Variants in CSMD1 observed in about 807,000 individuals in gnomAD.
CSMD1 encodes CUB and sushi domain-containing protein 1.
CSMD1 carries 213 observed loss-of-function variants against 417.5 expected under a neutral mutation model. The observed-to-expected ratio is 0.51, with a 90% CI of 0.46 to 0.57. The LOEUF (loss-of-function observed/expected upper bound fraction) is 0.57. Among genes scored for constraint, CSMD1 ranks in the 20% least tolerant of loss-of-function variants. CSMD1 has a pLI of 0.00. For synonymous variants in CSMD1, 2,862 were observed against 1,736.8 expected, an observed-to-expected ratio of 1.65 and a Z score of -16.11; for missense variants, 6,923 against 4,529.7, an observed-to-expected ratio of 1.53 and a Z score of -15.17.
chr8:3,911,071 A>T (rs1301511509), intron 5 of CSMD1, among the ~76,000 whole-genome samples: 1 of 152,278 alleles, frequency 6.6e-6, no homozygotes, highest in East Asian at 1.9e-4. Context: ...ATTGGAGATG[A>T]CCAGAAAATT....
intron 1 of CSMD1, among the ~76,000 whole-genome samples, chr8:4,823,181 G>C (rs1375255473): frequency 6.6e-6 from 1 of 152,008 alleles, no homozygotes; most frequent in Non-Finnish European, 1.5e-5. Flanking sequence ...TGTCAGATCT[G>C]TTTAAGCCTA....
At chr8:4,115,296 G>T (rs999659185) in intron 3 of CSMD1, among the ~76,000 whole-genome samples, 2 of 152,014 alleles carry the variant, frequency 1.3e-5, no homozygotes, top group African/African-American at 4.8e-5. Context: ...TAGCATTTTT[G>T]GCAACAAAAT....
At chr8:3,890,737 T>A (rs1468219520) in intron 5 of CSMD1, among the ~76,000 whole-genome samples, 1 of 152,220 alleles carries the variant, frequency 6.6e-6, no homozygotes, top group Non-Finnish European at 1.5e-5. Flanking sequence ...TGATGCAAGT[T>A]AGCATGTGGC....
intron 1 of CSMD1, among the ~76,000 whole-genome samples, chr8:4,991,783 C>A (rs543301760): frequency 1.3e-5 from 2 of 152,358 alleles, no homozygotes; most frequent in South Asian, 2.1e-4. Context: ...AACGGCGACT[C>A]CGGCGCTGGC....
intron 5 of CSMD1, among the ~76,000 whole-genome samples, chr8:3,771,770 T>C (rs1433834651): frequency 6.6e-6 from 1 of 152,120 alleles, no homozygotes; most frequent in African/African-American, 2.4e-5. Context: ...AGCATCATGC[T>C]CTCTCCATTG....
intron 2 of CSMD1, among the ~76,000 whole-genome samples, chr8:4,602,367 C>A (rs1800635885): frequency 6.6e-6 from 1 of 152,144 alleles, no homozygotes; most frequent in African/African-American, 2.4e-5. Flanking sequence ...GAAGCTTCTA[C>A]TGCCAGGAGA....
chr8:4,320,664 G>A (rs1827666), intron 3 of CSMD1, among the ~76,000 whole-genome samples: 123,178 of 152,042 alleles, frequency 0.81, 50,066 homozygotes, highest in East Asian at 0.99. Flanking sequence ...CAGCTTCATC[G>A]ATGTCCTGCA....
intron 3 of CSMD1, among the ~76,000 whole-genome samples, chr8:4,203,301 A>C (rs559784250): frequency 5.9e-5 from 9 of 152,260 alleles, no homozygotes; most frequent in African/African-American, 2.2e-4. Context: ...CAGGCCCCTC[A>C]ACACCACGGG....
chr8:4,765,746 G>A (rs1055519573), intron 1 of CSMD1, among the ~76,000 whole-genome samples: 3 of 152,154 alleles, frequency 2.0e-5, no homozygotes, highest in Non-Finnish European at 2.9e-5. Context: ...TTTTAGTTGG[G>A]GTTTAAATTA....
At chr8:3,682,543 C>A (rs992817363) in intron 7 of CSMD1, among the ~76,000 whole-genome samples, 2 of 152,160 alleles carry the variant, frequency 1.3e-5, no homozygotes, top group African/African-American at 2.4e-5. Flanking sequence ...CAGGAAACAA[C>A]AGGTGCTGGA....
At chr8:4,762,708 C>G (rs1434619692) in intron 1 of CSMD1, among the ~76,000 whole-genome samples, 2 of 152,098 alleles carry the variant, frequency 1.3e-5, no homozygotes, top group Admixed American at 1.3e-4. Flanking sequence ...AGATGCATCA[C>G]CAGAGCGAGC....
Position 3,284,184 on chromosome 8 carries a change from G to C in CSMD1, c.4113C>G (p.Asp1371Glu). The C allele has an allele frequency of 6.3e-7, 1 of 1,592,850 alleles. No individual in the cohort carries two copies. The highest frequency in any genetic ancestry group is 8.5e-7 in the Non-Finnish European group (1 of 1,169,908). ...AGAAGCCAGACTTGCTGATGAAGAAGTCGCTGTCGAACTGCAGGGTGAGTG... is the reference window on the plus strand; with the variant it reads ...AGAAGCCAGACTTGCTGATGAAGAACTCGCTGTCGAACTGCAGGGTGAGTG... ...FNSLTLQFDS[D>E]FFISKSGFSI... The change falls in exon 26 of 70, where the codon GAC becomes GAG. Residue 1371 changes from aspartate (D) to glutamate (E), a missense_variant. By Grantham distance (45) the Asp-to-Glu change is conservative. Transcript: ENST00000635120.
At chr8:2,972,795 G>A (rs1804571541) in intron 57 of CSMD1, among the ~76,000 whole-genome samples, 1 of 152,160 alleles carries the variant, frequency 6.6e-6, no homozygotes, top group Non-Finnish European at 1.5e-5. Context: ...TCACTGCTCT[G>A]GAACCCCACT....
intron 29 of CSMD1, among the ~76,000 whole-genome samples, chr8:3,215,039 T>G (rs977609621): frequency 6.6e-6 from 1 of 152,202 alleles, no homozygotes; most frequent in African/African-American, 2.4e-5. Context: ...AAAGAAAAAT[T>G]GACTCTGGAA....
At chr8:4,224,672 T>A (rs142855501) in intron 3 of CSMD1, among the ~76,000 whole-genome samples, 1 of 152,248 alleles carries the variant, frequency 6.6e-6, no homozygotes, top group Non-Finnish European at 1.5e-5. Context: ...AATTCCCCAC[T>A]GCTCAATTTC....
intron 3 of CSMD1, among the ~76,000 whole-genome samples, chr8:4,412,392 G>T (rs768516501): frequency 6.6e-6 from 1 of 152,166 alleles, no homozygotes; most frequent in South Asian, 2.1e-4. Context: ...CATTTGCCAT[G>T]TGTTGCGCTG....
intron 5 of CSMD1, among the ~76,000 whole-genome samples, chr8:3,911,532 TA>T (rs1012148560): frequency 0.14 from 16,460 of 114,134 alleles, 1,065 homozygotes; most frequent in African/African-American, 0.21. Context: ...CGTCTCAAAA[TA>T]AAAAAAAAAA....
intron 3 of CSMD1, among the ~76,000 whole-genome samples, chr8:4,190,400 G>C (rs960312034): frequency 6.6e-6 from 1 of 152,176 alleles, no homozygotes; most frequent in African/African-American, 2.4e-5. Flanking sequence ...TGACAGAATG[G>C]TTATGACATT....
At chr8:3,106,005 G>C (rs1816110311) in intron 46 of CSMD1, among the ~76,000 whole-genome samples, 1 of 152,106 alleles carries the variant, frequency 6.6e-6, no homozygotes, top group Non-Finnish European at 1.5e-5. Flanking sequence ...TATGGCCTTG[G>C]TTTATTTTCT....
Sources: gnomAD v4.1 joint callset for allele counts (sites outside exome capture counted in the v4.1 genomes callset) on GRCh38, gnomAD v4.1.1 for gene constraint, MANE v1.5 for transcripts, NCBI Gene and HGNC (gene_info 2026-07-23, HGNC 2026-07-21) for gene names.